VSTM4: variants seen among roughly 807,000 people sequenced by gnomAD.
VSTM4 encodes V-set and transmembrane domain-containing protein 4.
A neutral mutation model predicts 36.4 loss-of-function variants in VSTM4; 20 were observed. That is an observed-to-expected ratio of 0.55 (90% CI 0.39 to 0.80). The LOEUF (loss-of-function observed/expected upper bound fraction) is 0.80, where lower values mean the gene tolerates loss of function less well. VSTM4 is among the 30% of genes least tolerant of loss of function. The probability of loss-of-function intolerance (pLI) is 0.00; values close to 1 mark genes in which losing one functional copy is unlikely to be tolerated. For missense variants in VSTM4, 392 were observed against 404.5 expected (o/e 0.97, Z 0.26); for synonymous variants, 182 against 173.9 (o/e 1.05, Z -0.37).
chr10:49,100,936 T>A (rs1371908696), intron 2 of VSTM4, among the ~76,000 whole-genome samples: 2 of 152,126 alleles, frequency 1.3e-5, no homozygotes, highest in Admixed American at 1.3e-4. Flanking sequence ...GAAAAATACC[T>A]CTTCAACAGA....
In VSTM4 at chr10:49,019,463, G is replaced by T. The variant is rs1364671239; in HGVS notation, c.*187C>A. Reference sequence around the variant, plus strand: ...TGTCCCGGGAGATCTGTCAAGAGCTGTGGCCCCGATTCTTTTGGGGAGAGC... The same window carrying T: ...TGTCCCGGGAGATCTGTCAAGAGCTTTGGCCCCGATTCTTTTGGGGAGAGC... On this transcript the variant is annotated 3_prime_UTR_variant, in exon 8 of 8. Transcript: ENST00000332853. 3 of 659,180 alleles carry T rather than the reference G, an allele frequency of 4.6e-6. No homozygotes were observed. Among genetic ancestry groups the T allele is most frequent in the East Asian group, 6.8e-5 (2 of 29,530 alleles). 40.8% of individuals were successfully genotyped at this position (659,180 alleles called of 1,614,324 possible).
chr10:49,064,524 C>A, intron 5 of VSTM4, 179 bp downstream of exon 5: 1 of 720,116 alleles, frequency 1.4e-6, no homozygotes, highest in East Asian at 2.9e-5. Context: ...GGGGTGAAAA[C>A]CAGACTGTAG....
intron 1 of VSTM4, among the ~76,000 whole-genome samples, chr10:49,113,123 A>G (rs1329630111): frequency 1.3e-5 from 2 of 152,232 alleles, no homozygotes; most frequent in Non-Finnish European, 2.9e-5. Flanking sequence ...GCACCTGCTC[A>G]CTTCAGGGAG....
chr10:49,108,488 G>T (rs1186095582), intron 1 of VSTM4, among the ~76,000 whole-genome samples: 1 of 152,140 alleles, frequency 6.6e-6, no homozygotes, highest in African/African-American at 2.4e-5. Flanking sequence ...GCAGGGTAGG[G>T]CCCTCTCTCT....
At chr10:49,089,706 T>C (rs1844437588) in intron 2 of VSTM4, among the ~76,000 whole-genome samples, 1 of 152,228 alleles carries the variant, frequency 6.6e-6, no homozygotes. Flanking sequence ...ATCTTACTTG[T>C]TCCTACAAGA....
intron 2 of VSTM4, among the ~76,000 whole-genome samples, chr10:49,106,693 G>A (rs927304516): frequency 4.6e-5 from 7 of 152,302 alleles, no homozygotes; most frequent in East Asian, 3.9e-4. Context: ...ATGGGTGCCC[G>A]GCACCCCCCA....
At chr10:49,025,738 C>G (rs1286806719) in intron 7 of VSTM4, among the ~76,000 whole-genome samples, 1 of 152,238 alleles carries the variant, frequency 6.6e-6, no homozygotes, top group African/African-American at 2.4e-5. Context: ...ACCTGGCTAC[C>G]AAGTGACCGG....
chr10:49,086,711 G>A (rs180976041), intron 2 of VSTM4, among the ~76,000 whole-genome samples: 38 of 152,214 alleles, frequency 2.5e-4, no homozygotes, highest in East Asian at 2.3e-3. Flanking sequence ...AAAATATCAC[G>A]GAATGAGATT....
intron 2 of VSTM4, chr10:49,103,950 G>C (rs533780496): frequency 9.3e-7 from 1 of 1,071,546 alleles, no homozygotes; most frequent in Non-Finnish European, 1.4e-6. Flanking sequence ...AAGAGCTCCT[G>C]TTTGATATTC....
chr10:49,050,538 T>C (rs1843681362), intron 5 of VSTM4, among the ~76,000 whole-genome samples: 1 of 152,218 alleles, frequency 6.6e-6, no homozygotes, highest in African/African-American at 2.4e-5. Context: ...CTTATTTTTA[T>C]TGGGAACGGA....
chr10:49,106,304 G>C (rs987098110), intron 2 of VSTM4, among the ~76,000 whole-genome samples: 13 of 152,084 alleles, frequency 8.5e-5, no homozygotes, highest in Non-Finnish European at 1.8e-4. Context: ...TTGTATTTGA[G>C]ACTATCAGCT....
intron 4 of VSTM4, among the ~76,000 whole-genome samples, chr10:49,065,973 C>T (rs1011864185): frequency 1.3e-5 from 2 of 151,734 alleles, no homozygotes; most frequent in Admixed American, 1.3e-4. Flanking sequence ...TAATAACAAC[C>T]ATAGTTAGTA....
At chr10:49,071,063 C>T (rs1844070141) in intron 4 of VSTM4, among the ~76,000 whole-genome samples, 1 of 152,204 alleles carries the variant, frequency 6.6e-6, no homozygotes, top group East Asian at 1.9e-4. Context: ...AAGCAGAGTG[C>T]CTGGGACAGG....
chr10:49,114,910 C>T (rs1844963157), intron 1 of VSTM4, among the ~76,000 whole-genome samples: 1 of 152,132 alleles, frequency 6.6e-6, no homozygotes, highest in African/African-American at 2.4e-5. Flanking sequence ...GTGGATGCCC[C>T]TCTCACCAGG....
intron 1 of VSTM4, among the ~76,000 whole-genome samples, chr10:49,109,706 C>T (rs183557726): frequency 9.4e-4 from 143 of 152,294 alleles, no homozygotes; most frequent in Non-Finnish European, 1.6e-3. Flanking sequence ...CTGGACTCTC[C>T]GCTGGATGGG....
intron 7 of VSTM4, among the ~76,000 whole-genome samples, chr10:49,022,103 G>T (rs1843189748): frequency 6.8e-6 from 1 of 147,420 alleles, no homozygotes; most frequent in Admixed American, 7.0e-5. Context: ...TTTGTAGTAG[G>T]CATTTTTTAA....
intron 7 of VSTM4, among the ~76,000 whole-genome samples, chr10:49,027,284 C>A (rs144097328): frequency 9.2e-5 from 14 of 152,134 alleles, no homozygotes; most frequent in Non-Finnish European, 1.8e-4. Flanking sequence ...TCTAAGAATG[C>A]TCTAAGCATG....
intron 2 of VSTM4, among the ~76,000 whole-genome samples, chr10:49,104,274 G>A (rs1844723593): frequency 6.6e-6 from 1 of 152,062 alleles, no homozygotes; most frequent in Non-Finnish European, 1.5e-5. Flanking sequence ...ACTCCAGCCT[G>A]GGAGACAGAG....
chr10:49,067,883 C>T (rs1281342301), intron 4 of VSTM4, among the ~76,000 whole-genome samples: 4 of 152,046 alleles, frequency 2.6e-5, no homozygotes, highest in East Asian at 1.9e-4. Flanking sequence ...TACCGAAATC[C>T]GAAGATGCTC....
Sources: gnomAD v4.1 joint callset for allele counts (sites outside exome capture counted in the v4.1 genomes callset) on GRCh38, gnomAD v4.1.1 for gene constraint, MANE v1.5 for transcripts, NCBI Gene and HGNC (gene_info 2026-07-23, HGNC 2026-07-21) for gene names.